The following DIPK2A variants were observed in gnomAD, a reference collection of about 807,000 sequenced individuals.
DIPK2A encodes divergent protein kinase domain 2A, also known as Golgi Protein of 49 kDa.
A neutral mutation model predicts 39.0 loss-of-function variants in DIPK2A; 27 were observed. That is an observed-to-expected ratio of 0.69 (90% CI 0.51 to 0.96). The LOEUF is 0.96. DIPK2A is among the 40% of genes least tolerant of loss of function. The pLI, the probability that DIPK2A is intolerant of heterozygous loss-of-function variation, is 0.00. For missense variants in DIPK2A, 528 were observed against 571.3 expected (o/e 0.92, Z 0.77); for synonymous variants, 298 against 240.8 (o/e 1.24, Z -2.20).
At position 143,972,464 on chromosome 3, in the gene DIPK2A, G is replaced by T; in HGVS notation, c.132G>T (p.Leu44=). The T allele has an allele frequency of 6.2e-7, 1 of 1,604,358 alleles. No individual in the cohort carries two copies. The highest frequency in any genetic ancestry group is 8.5e-7 in the Non-Finnish European group (1 of 1,174,672). Reference sequence around the variant, plus strand: ...TCGCCTCTTGGCAGCGCAACGAACTGACCGACCGGCGCTTCCTGCAGCTCA... The same window carrying T: ...TCGCCTCTTGGCAGCGCAACGAACTTACCGACCGGCGCTTCCTGCAGCTCA... ...SLLASWQRNE[L]TDRRFLQLNK... is the part of the protein sequence containing the mutation. Residue 44 remains leucine, a synonymous_variant, in exon 1 of 3, where the codon CTG becomes CTT. Coordinates refer to ENST00000315691, the MANE Select transcript of DIPK2A (RefSeq NM_173552.5).
chr3:143,979,731 A>G (rs998265911), intron 1 of DIPK2A, among the ~76,000 whole-genome samples: 2 of 152,062 alleles, frequency 1.3e-5, no homozygotes, highest in Admixed American at 6.5e-5. Flanking sequence ...TAAGCAATTT[A>G]TTCTAAAAGA....
intron 1 of DIPK2A, among the ~76,000 whole-genome samples, chr3:143,983,930 C>G (rs1472125826): frequency 6.6e-6 from 1 of 152,178 alleles, no homozygotes; most frequent in Non-Finnish European, 1.5e-5. Flanking sequence ...GTTGATTAGT[C>G]ACTTCCATTA....
At chr3:143,982,404 G>T (rs2087838606) in intron 1 of DIPK2A, among the ~76,000 whole-genome samples, 1 of 152,162 alleles carries the variant, frequency 6.6e-6, no homozygotes, top group Non-Finnish European at 1.5e-5. Context: ...AGATCTCTCT[G>T]CAGAAACCCT....
At chr3:143,982,822 C>T (rs1576810628) in intron 1 of DIPK2A, among the ~76,000 whole-genome samples, 1 of 152,056 alleles carries the variant, frequency 6.6e-6, no homozygotes, top group East Asian at 1.9e-4. Flanking sequence ...TAGTTAGAAC[C>T]CACCAGTGTG....
At chr3:143,973,089 C>A in intron 1 of DIPK2A, 100 bp downstream of exon 1, 2 of 1,428,094 alleles carry the variant, frequency 1.4e-6, no homozygotes, top group South Asian at 1.3e-5. Context: ...CCAGTTCGGA[C>A]TCGGCCGGGC....
rs1280321192 is a variant in DIPK2A, at chr3:143,972,219, C to T, written c.-114C>T. On this transcript the variant is annotated 5_prime_UTR_variant, in exon 1 of 3. Transcript: ENST00000315691. ...ACCTACTCCGCCCTCCGCCCCAGCCCGCGCGCTAGCTCCTTCTCTCGCCCG... is the reference window on the plus strand; with the variant it reads ...ACCTACTCCGCCCTCCGCCCCAGCCTGCGCGCTAGCTCCTTCTCTCGCCCG... 1 of 1,010,792 alleles carries T rather than the reference C, an allele frequency of 9.9e-7. No homozygotes were observed. The highest frequency in any genetic ancestry group is 1.7e-5 in the African/African-American group (1 of 58,552). The allele number at this position is 1,010,792 out of a possible 1,614,324, so 62.6% of individuals were successfully genotyped here.
Position 143,972,384 on chromosome 3 carries a change from C to T in DIPK2A, c.52C>T (p.Leu18=). The T allele has an allele frequency of 7.0e-7, 1 of 1,424,396 alleles. No homozygotes were observed. Among genetic ancestry groups the T allele is most frequent in the African/African-American group, 1.5e-5 (1 of 66,848 alleles). 88.2% of individuals were successfully genotyped at this position (1,424,396 alleles called of 1,614,324 possible). A position where few individuals can be genotyped will look rare whatever the true frequency, so the allele number is the denominator to read the frequency against. ...GGGCCGCCTGTCCCGCTCGCTGAAG[C>T]TGGCGGCGCTGGGCAGCCTGTTGGT... ...KLGRLSRSLK[L]AALGSLLVLM... Residue 18 remains leucine (L), a synonymous_variant, in exon 1 of 3, where the codon CTG becomes TTG. Coordinates refer to ENST00000315691, the MANE Select transcript of DIPK2A (RefSeq NM_173552.5).
chr3:143,973,563 G>A lies in DIPK2A; in HGVS notation c.657+574G>A, dbSNP rs2087688914. ...GTCGGAGAACGGGACAGTGGTCGGGGTGGGTTTAATCTGTGAGCCGAGCTT... is the reference window on the plus strand; with the variant it reads ...GTCGGAGAACGGGACAGTGGTCGGGATGGGTTTAATCTGTGAGCCGAGCTT... On this transcript the variant is annotated intron_variant, in intron 1 of 2. Transcript: ENST00000315691. 1 of 1,544,686 alleles carries A rather than the reference G, an allele frequency of 6.5e-7. No homozygotes were observed. The highest frequency in any genetic ancestry group is 8.8e-7 in the Non-Finnish European group (1 of 1,140,750).
chr3:143,972,177 G>C lies in DIPK2A; in HGVS notation c.-156G>C. On this transcript the variant is annotated 5_prime_UTR_variant, in exon 1 of 3. Transcript: ENST00000315691. ...TCAGGCCCGCGCCTTCCCGCTCCCC[G>C]TCTTCCTCTCTCACACACCTACTCC... 1.8e-6 allele frequency: 1 copy of C among 564,614 alleles called. No homozygotes were observed. Among genetic ancestry groups the C allele is most frequent in the East Asian group, 3.5e-5 (1 of 28,904 alleles). The allele number at this position is 564,614 out of a possible 1,614,324, so 35.0% of individuals were successfully genotyped here.
chr3:143,986,495 C>T (rs1015851561), intron 2 of DIPK2A, among the ~76,000 whole-genome samples: 4 of 151,920 alleles, frequency 2.6e-5, no homozygotes, highest in East Asian at 3.9e-4. Flanking sequence ...GAGGCCGAGG[C>T]GGGCGGATCA....
In DIPK2A at chr3:143,980,262, C is replaced by A. The variant is rs969554149; in HGVS notation, c.658-5281C>A. On this transcript the variant is annotated intron_variant, in intron 1 of 2. Transcript: ENST00000315691. ...CTTAAGTTAGCTCTTTCTTTCTTTT[C>A]TTTCTTATGTGTCTGTCTGTCTTTA... Among the ~76,000 whole-genome samples the A allele has an allele frequency of 7.5e-5, 8 of 105,994 alleles. No individual in the cohort carries two copies. The South Asian group carries it at 8.0e-4, about 11-fold the overall frequency. 69.5% of individuals were successfully genotyped at this position (105,994 alleles called of 152,430 possible).
At chr3:143,973,043 CAG>C (rs1324039249) in intron 1 of DIPK2A, 54 bp downstream of exon 1, 1 of 1,523,560 alleles carries the variant, frequency 6.6e-7, no homozygotes, top group African/African-American at 1.4e-5. Flanking sequence ...GCGTGGGAAT[CAG>C]AGTCGGGAGA....
chr3:143,988,797 T>A (rs1383272963), intron 2 of DIPK2A, among the ~76,000 whole-genome samples: 1 of 152,224 alleles, frequency 6.6e-6, no homozygotes, highest in Non-Finnish European at 1.5e-5. Flanking sequence ...ATTAGAACCT[T>A]AAACTTTACC....
At chr3:143,978,622 C>CTATATATAGATATATATCTA (rs2087769126) in intron 1 of DIPK2A, 1 of 121,646 alleles carries the variant, frequency 8.2e-6, no homozygotes, top group African/African-American at 3.0e-5. Flanking sequence ...ATATCTATAT[C>CTATATATAGATATATATCTA]TATATATATA....
intron 1 of DIPK2A, among the ~76,000 whole-genome samples, chr3:143,984,696 G>T (rs374315289): frequency 7.4e-5 from 11 of 147,984 alleles, no homozygotes; most frequent in South Asian, 4.2e-4. Context: ...GTTTTTTTTT[G>T]ATTTAGGATG....
Position 143,972,812 on chromosome 3 carries a change from G to A in DIPK2A, c.480G>A (p.Ala160=). 1.3e-6 allele frequency: 2 copies of A among 1,564,994 alleles called. No individual in the cohort carries two copies. Among genetic ancestry groups the A allele is most frequent in the Non-Finnish European group, 1.7e-6 (2 of 1,158,772 alleles). ...NGDVRLLTPE[A]VEGWSDLVHC... is the part of the protein sequence containing the mutation. ...ACGTGCGTCTGCTCACGCCCGAGGC[G>A]GTGGAGGGCTGGTCGGACCTGGTGC... Residue 160 remains alanine (A), a synonymous_variant, in exon 1 of 3, where the codon GCG becomes GCA. Coordinates refer to ENST00000315691, the MANE Select transcript of DIPK2A (RefSeq NM_173552.5).
In DIPK2A at chr3:143,989,503, T is replaced by G. The variant is rs1350722591; in HGVS notation, c.962-7T>G. On this transcript the variant is annotated splice_region_variant and splice_polypyrimidine_tract_variant and intron_variant, in intron 2 of 2. Coordinates refer to ENST00000315691, the MANE Select transcript of DIPK2A (RefSeq NM_173552.5). ...TTTTTCTACTTCTGCTTTTCCTCCT[T>G]TCACAGATAAACCTGAAAATTGGGA... The G allele has an allele frequency of 8.8e-6, 14 of 1,586,262 alleles. No homozygotes were observed. The Admixed American group carries it at 2.5e-4, about 29-fold the overall frequency.
chr3:143,989,355 G>T (rs1328393318), intron 2 of DIPK2A, among the ~76,000 whole-genome samples, 155 bp from the exon 3 acceptor site: 1 of 152,128 alleles, frequency 6.6e-6, no homozygotes, highest in African/African-American at 2.4e-5. Flanking sequence ...GTGAATGTTT[G>T]TATGAATTTA....
rs542918792 is a variant in DIPK2A at position 143,984,336 on chromosome 3, A to G, written c.658-1207A>G. 3.3e-5 allele frequency among the ~76,000 whole-genome samples: 5 copies of G among 152,152 alleles called. No individual in the cohort carries two copies. The South Asian group carries it at 6.3e-4, about 19-fold the overall frequency. On this transcript the variant is annotated intron_variant, in intron 1 of 2. Coordinates refer to ENST00000315691, the MANE Select transcript of DIPK2A (RefSeq NM_173552.5). ...GGTTAAGAAGCCTAGCTTTCTGCCT[A>G]TCTCGGTTTTAGATGTGCCTTCCTC...
Sources: allele counts gnomAD v4.1 joint callset (sites outside exome capture counted in the v4.1 genomes callset), GRCh38; gene constraint gnomAD v4.1.1; transcripts MANE v1.5; gene names NCBI Gene and HGNC (gene_info 2026-07-23, HGNC 2026-07-21).